Variants in FHIT observed in about 807,000 individuals in gnomAD.
FHIT encodes the protein fragile histidine triad diadenosine triphosphatase.
In FHIT, 19 loss-of-function variants were observed where a neutral mutation model predicts 17.9. The observed-to-expected ratio is 1.06, with a 90% CI of 0.74 to 1.56. The LOEUF (loss-of-function observed/expected upper bound fraction) is 1.56, where lower values mean the gene tolerates loss of function less well. Ranked by LOEUF, FHIT falls within the 40% of genes most tolerant of loss-of-function variation. The probability of loss-of-function intolerance (pLI) is 0.00; values close to 1 mark genes in which losing one functional copy is unlikely to be tolerated. For synonymous variants in FHIT, 81 were observed against 69.7 expected (o/e 1.16, Z -0.81); for missense variants, 248 against 189.2 (o/e 1.31, Z -1.82).
intron 5 of FHIT, among the ~76,000 whole-genome samples, chr3:60,032,699 A>C (rs773331909): frequency 3.3e-5 from 5 of 152,170 alleles, no homozygotes; most frequent in African/African-American, 4.8e-5. Context: ...GAAGCACATA[A>C]TACTACTACT....
intron 7 of FHIT, among the ~76,000 whole-genome samples, chr3:59,993,646 G>C (rs7643828): frequency 0.19 from 28,611 of 151,780 alleles, 2,828 homozygotes; most frequent in South Asian, 0.25. Flanking sequence ...GGGAGCTGAG[G>C]TTATTACCCA....
chr3:60,616,230 C>A (rs2038946304), intron 4 of FHIT, among the ~76,000 whole-genome samples: 2 of 152,170 alleles, frequency 1.3e-5, no homozygotes, highest in African/African-American at 2.4e-5. Flanking sequence ...CAAAAACTCA[C>A]CCCAGATGTT....
chr3:60,467,081 G>C (rs1447560959), intron 5 of FHIT, among the ~76,000 whole-genome samples: 1 of 151,746 alleles, frequency 6.6e-6, no homozygotes, highest in African/African-American at 2.4e-5. Context: ...ATTTCTTAGT[G>C]GTTCAATCTT....
chr3:60,686,999 T>A (rs938732451), intron 4 of FHIT, among the ~76,000 whole-genome samples: 1 of 152,216 alleles, frequency 6.6e-6, no homozygotes, highest in Non-Finnish European at 1.5e-5. Flanking sequence ...ACAGACTACA[T>A]GGGAAGCAGA....
At chr3:60,599,591 A>G (rs1481474276) in intron 4 of FHIT, among the ~76,000 whole-genome samples, 3 of 152,032 alleles carry the variant, frequency 2.0e-5, no homozygotes, top group Admixed American at 6.6e-5. Context: ...GGCTTTCATT[A>G]GTGAATTAAA....
intron 4 of FHIT, among the ~76,000 whole-genome samples, chr3:60,541,097 T>C (rs1429515655): frequency 6.6e-6 from 1 of 152,182 alleles, no homozygotes; most frequent in Non-Finnish European, 1.5e-5. Context: ...GGCCTTTTCC[T>C]ACAGAATTCC....
At chr3:59,873,085 T>C (rs1175530288) in intron 8 of FHIT, among the ~76,000 whole-genome samples, 1 of 152,196 alleles carries the variant, frequency 6.6e-6, no homozygotes, top group African/African-American at 2.4e-5. Flanking sequence ...TTCCTTCCTT[T>C]CCACCCACTT....
intron 3 of FHIT, among the ~76,000 whole-genome samples, chr3:60,933,064 G>C (rs183417030): frequency 1.3e-5 from 2 of 152,118 alleles, no homozygotes; most frequent in East Asian, 1.9e-4. Flanking sequence ...AATCAATGAA[G>C]GGACATTCAT....
chr3:60,535,590 T>G (rs1299776317), intron 5 of FHIT, among the ~76,000 whole-genome samples: 4 of 79,708 alleles, frequency 5.0e-5, no homozygotes, highest in African/African-American at 4.1e-5. Flanking sequence ...CATTCTAGTG[T>G]TTTTTTTTAA....
rs545590844 is a variant in FHIT, at chr3:60,664,586, C to A, written c.-17-127607G>T. On this transcript the variant is annotated intron_variant, in intron 4 of 9. Coordinates refer to ENST00000492590, the MANE Select transcript of FHIT (RefSeq NM_002012.4). ...TTTTTTAACATTTGGTATAATTCTC[C>A]AGTGAAACAATGTAGTCCTAGAGAT... Among the ~76,000 whole-genome samples, 30 of 151,746 alleles carry A rather than the reference C, an allele frequency of 2.0e-4. No homozygotes were observed. The South Asian group carries it at 4.8e-3, about 24-fold the overall frequency.
At chr3:60,771,586 C>T (rs1700043604) in intron 4 of FHIT, among the ~76,000 whole-genome samples, 1 of 152,104 alleles carries the variant, frequency 6.6e-6, no homozygotes, top group East Asian at 1.9e-4. Context: ...GAGCACAGGG[C>T]AAGTGAGACC....
chr3:60,332,360 C>T (rs548806280), intron 5 of FHIT, among the ~76,000 whole-genome samples: 4 of 152,304 alleles, frequency 2.6e-5, no homozygotes, highest in African/African-American at 9.6e-5. Context: ...AGGAGGTATG[C>T]TTGGCTATAG....
At chr3:60,278,718 A>C (rs966668514) in intron 5 of FHIT, among the ~76,000 whole-genome samples, 1 of 120,642 alleles carries the variant, frequency 8.3e-6, no homozygotes, top group Admixed American at 8.6e-5. Flanking sequence ...AAAACCTCAT[A>C]ACAAAAAAAA....
At chr3:60,565,418 A>T (rs2037098065) in intron 4 of FHIT, among the ~76,000 whole-genome samples, 1 of 152,186 alleles carries the variant, frequency 6.6e-6, no homozygotes. Context: ...CATAAACAAT[A>T]CAACACTTTC....
intron 3 of FHIT, among the ~76,000 whole-genome samples, chr3:60,944,519 G>C (rs1708559798): frequency 1.3e-5 from 2 of 152,180 alleles, no homozygotes; most frequent in South Asian, 4.1e-4. Context: ...ATTTGCAATG[G>C]AAAGATAGTG....
intron 8 of FHIT, among the ~76,000 whole-genome samples, chr3:59,788,654 T>A (rs1375799293): frequency 1.3e-5 from 2 of 152,150 alleles, no homozygotes; most frequent in African/African-American, 4.8e-5. Context: ...TCTTCCACTA[T>A]ACTCACCCTT....
chr3:60,053,363 G>A (rs957969492), intron 5 of FHIT, among the ~76,000 whole-genome samples: 1 of 148,874 alleles, frequency 6.7e-6, no homozygotes, highest in Admixed American at 6.8e-5. Flanking sequence ...TTGCATCTTT[G>A]TGTCCCTAGC....
intron 5 of FHIT, among the ~76,000 whole-genome samples, chr3:60,485,227 C>T (rs942222311): frequency 6.6e-6 from 1 of 152,078 alleles, no homozygotes; most frequent in African/African-American, 2.4e-5. Context: ...AATTCAACCT[C>T]TGTGGGAAGA....
chr3:60,766,069 C>T (rs1052450232), intron 4 of FHIT, among the ~76,000 whole-genome samples: 7 of 152,182 alleles, frequency 4.6e-5, no homozygotes, highest in Non-Finnish European at 8.8e-5. Context: ...AATTTGCAGA[C>T]AGCCTATCCT....
Sources: allele counts gnomAD v4.1 joint callset (sites outside exome capture counted in the v4.1 genomes callset), GRCh38; gene constraint gnomAD v4.1.1; transcripts MANE v1.5; gene names NCBI Gene and HGNC (gene_info 2026-07-23, HGNC 2026-07-21).